SFI1: variants seen among roughly 807,000 people sequenced by gnomAD.
The protein encoded by SFI1 is SFI1 centrin binding protein.
Under a neutral mutation model 207.5 loss-of-function variants are expected in SFI1, and 195 were observed. That is an observed-to-expected ratio of 0.94 (90% CI 0.84 to 1.06). SFI1 has a LOEUF of 1.06. Ranked by LOEUF, SFI1 falls within the 50% of genes least tolerant of loss-of-function variation. SFI1 has a pLI of 0.00. For missense variants in SFI1, 1,634 were observed against 1,588.0 expected, an observed-to-expected ratio of 1.03 and a Z score of -0.49; for synonymous variants, 630 against 598.9, an observed-to-expected ratio of 1.05 and a Z score of -0.76.
At chr22:31,616,590 C>A in intron 29 of SFI1, 155 bp from the exon 30 acceptor site, 1 of 752,772 alleles carries the variant, frequency 1.3e-6, no homozygotes, top group Non-Finnish European at 2.1e-6. Flanking sequence ...AGACACTGAG[C>A]TGGCACGGCC....
intron 2 of SFI1, among the ~76,000 whole-genome samples, chr22:31,511,469 T>G (rs972940419): frequency 6.5e-5 from 3 of 46,216 alleles, no homozygotes; most frequent in African/African-American, 2.4e-4. Context: ...TTTCTGTTTT[T>G]TTTTTTTTTT....
In SFI1 at chr22:31,513,092, T is replaced by C. The variant is rs112756644; in HGVS notation, c.92+4716T>C. Among the ~76,000 whole-genome samples the C allele has an allele frequency of 1.7e-3, 260 of 152,326 alleles. 2 individuals are homozygous for C. The highest frequency in any genetic ancestry group is 6.1e-3 in the African/African-American group (252 of 41,568). ...CAGCCACCATGCCCGGCTGATGTTA[T>C]GATTTTTTAATACAATGTAAAATGA... On this transcript the variant is annotated intron_variant, in intron 2 of 32. Transcript: ENST00000400288.
chr22:31,612,141 G>A, intron 24 of SFI1: 1 of 921,332 alleles, frequency 1.1e-6, no homozygotes. Flanking sequence ...CACTTTGGGA[G>A]GCCGAGGCAG....
At chr22:31,539,308 C>T (rs73398295) in intron 4 of SFI1, among the ~76,000 whole-genome samples, 1,857 of 152,228 alleles carry the variant, frequency 0.012, 41 homozygotes, top group African/African-American at 0.043. Flanking sequence ...TCACATCATT[C>T]TGTCAAACTT....
At chr22:31,592,953 C>G (rs1390520446) in intron 15 of SFI1, among the ~76,000 whole-genome samples, 2 of 119,316 alleles carry the variant, frequency 1.7e-5, no homozygotes, top group Non-Finnish European at 3.6e-5. Context: ...CGCCCCTCAC[C>G]TCCCGGACGG....
At chr22:31,541,467 G>C (rs2059481185) in intron 4 of SFI1, among the ~76,000 whole-genome samples, 1 of 151,984 alleles carries the variant, frequency 6.6e-6, no homozygotes, top group South Asian at 2.1e-4. Flanking sequence ...CAATTTTTTA[G>C]AATTGTAGGC....
intron 4 of SFI1, among the ~76,000 whole-genome samples, chr22:31,540,270 T>G (rs2147699254): frequency 6.6e-6 from 1 of 150,584 alleles, no homozygotes; most frequent in African/African-American, 2.4e-5. Flanking sequence ...TTTATTTTAT[T>G]TATTTATTTA....
intron 10 of SFI1, among the ~76,000 whole-genome samples, chr22:31,577,358 T>A (rs886139195): frequency 1.3e-5 from 2 of 151,892 alleles, no homozygotes; most frequent in African/African-American, 4.8e-5. Context: ...GCTGTGGAGG[T>A]AGGGATGGTG....
At chr22:31,616,648 C>A in intron 29 of SFI1, 97 bp from the exon 30 acceptor site, 3 of 1,346,470 alleles carry the variant, frequency 2.2e-6, no homozygotes, top group Admixed American at 2.5e-5. Context: ...GGTCTTCCCC[C>A]ACCCCTGCAG....
chr22:31,606,498 T>C, intron 21 of SFI1, 68 bp downstream of exon 21: 1 of 1,305,756 alleles, frequency 7.7e-7, no homozygotes, highest in East Asian at 2.4e-5. Context: ...GGGCGTGGGA[T>C]GTAGGGGGTG....
chr22:31,591,853 G>A (rs1603259907), intron 15 of SFI1, among the ~76,000 whole-genome samples: 1 of 74,856 alleles, frequency 1.3e-5, no homozygotes, highest in African/African-American at 7.8e-5. Flanking sequence ...AGGGGCGGCC[G>A]GGCAGAGGCG....
intron 4 of SFI1, among the ~76,000 whole-genome samples, chr22:31,542,668 T>C (rs988255726): frequency 2.0e-5 from 3 of 151,778 alleles, no homozygotes; most frequent in East Asian, 1.9e-4. Flanking sequence ...TTTATTTATT[T>C]ATTCATTCTT....
At chr22:31,607,515 A>C (rs1003857692) in intron 21 of SFI1, 1 of 151,930 alleles carries the variant, frequency 6.6e-6, no homozygotes, top group African/African-American at 2.4e-5. Context: ...AGGCAGGAGA[A>C]TCGCTAGAAC....
In SFI1 at chr22:31,617,060, C is replaced by T. The variant is rs1178812446; in HGVS notation, c.3494C>T (p.Thr1165Ile). The T allele has an allele frequency of 2.5e-6, 4 of 1,613,982 alleles. No individual in the cohort carries two copies. Among genetic ancestry groups the T allele is most frequent in the African/African-American group, 1.3e-5 (1 of 74,930 alleles). Residue 1165 changes from threonine to isoleucine, a missense_variant, in exon 31 of 33, where the codon ACC becomes ATC. Physicochemically the swap from Thr to Ile is moderately conservative, Grantham distance 89 (BLOSUM62 -1). Transcript: ENST00000400288. ...EIQQQLLHYQTTKQNLWSCRR... is the reference protein window; with the variant it reads ...EIQQQLLHYQITKQNLWSCRR... Reference sequence around the variant, plus strand: ...CAGCAGCAACTACTGCACTACCAGACCACCAAGCAGAACCTCTGGTGAGCC... The same window carrying T: ...CAGCAGCAACTACTGCACTACCAGATCACCAAGCAGAACCTCTGGTGAGCC...
chr22:31,579,046 A>T (rs947434728), intron 11 of SFI1, among the ~76,000 whole-genome samples: 3 of 152,166 alleles, frequency 2.0e-5, no homozygotes, highest in Non-Finnish European at 4.4e-5. Flanking sequence ...GCTAGATTCA[A>T]ACTTCTGGGC....
chr22:31,556,301 C>T (rs1405421034), intron 6 of SFI1, among the ~76,000 whole-genome samples: 1 of 151,344 alleles, frequency 6.6e-6, no homozygotes, highest in Admixed American at 6.6e-5. Context: ...CAGCTCACTG[C>T]AACCTCTCCC....
chr22:31,612,392 A>ATAC (rs1421688039), intron 24 of SFI1: 10 of 107,418 alleles, frequency 9.3e-5, no homozygotes, highest in African/African-American at 2.7e-4. Context: ...AAAAAAAAAA[A>ATAC]AAAAAAATAT....
At chr22:31,582,206 T>TTATA (rs1569376532) in intron 12 of SFI1, among the ~76,000 whole-genome samples, 2 of 36,600 alleles carry the variant, frequency 5.5e-5, no homozygotes, top group African/African-American at 2.3e-4. Context: ...TTATTACATT[T>TTATA]TATATATATA....
intron 20 of SFI1, chr22:31,605,266 T>C (rs2068775532): frequency 4.8e-6 from 1 of 208,420 alleles, no homozygotes; most frequent in Admixed American, 5.9e-5. Context: ...TGTCATCTCT[T>C]CCACTCCAGA....
Sources: gnomAD v4.1 joint callset for allele counts (sites outside exome capture counted in the v4.1 genomes callset) on GRCh38, gnomAD v4.1.1 for gene constraint, MANE v1.5 for transcripts, NCBI Gene and HGNC (gene_info 2026-07-23, HGNC 2026-07-21) for gene names.